Variants in COL6A2 observed in about 807,000 individuals in gnomAD.
The protein encoded by COL6A2 is collagen type VI alpha 2 chain.
Under a neutral mutation model 124.9 loss-of-function variants are expected in COL6A2, and 90 were observed. The observed-to-expected ratio is 0.72, with a 90% CI of 0.61 to 0.86. The LOEUF (loss-of-function observed/expected upper bound fraction) is 0.86. Among genes scored for constraint, COL6A2 ranks in the 40% least tolerant of loss-of-function variants. The probability of loss-of-function intolerance (pLI) is 0.00; values close to 1 mark genes in which losing one functional copy is unlikely to be tolerated. For missense variants in COL6A2, 1,607 were observed against 1,502.5 expected, an observed-to-expected ratio of 1.07 and a Z score of -1.15; for synonymous variants, 793 against 618.2, an observed-to-expected ratio of 1.28 and a Z score of -4.19.
At position 46,116,926 on chromosome 21, in the gene COL6A2, T is replaced by TACACACACACACACACAC. The variant is rs59060956; in HGVS notation, c.999+125_999+142dup. On this transcript the variant is annotated intron_variant, in intron 10 of 27. Transcript: ENST00000300527. The surrounding 1 kb of genome is among the most constrained non-coding windows in gnomAD (Gnocchi z 4.6). ...CAGCTTACACATGTGTACACACGCA[T>TACACACACACACACACAC]ACACACACACACACACACACACACA... 3.6e-5 allele frequency: 23 copies of TACACACACACACACACAC among 639,334 alleles called. No homozygotes were observed. Among genetic ancestry groups the TACACACACACACACACAC allele is most frequent in the Middle Eastern group, 4.2e-4 (1 of 2,408 alleles). The allele number at this position is 639,334 out of a possible 1,614,324, so 39.6% of individuals were successfully genotyped here.
chr21:46,116,744 G>A lies in COL6A2; in HGVS notation c.955-26G>A. 6.2e-7 allele frequency: 1 copy of A among 1,613,122 alleles called. No individual in the cohort carries two copies. The highest frequency in any genetic ancestry group is 8.5e-7 in the Non-Finnish European group (1 of 1,180,018). ...CAGGGCAGAAGGACCGGGGCTAATGGAGTTCCCTCTTCCTTCTCTCTTCAG... is the reference window on the plus strand; with the variant it reads ...CAGGGCAGAAGGACCGGGGCTAATGAAGTTCCCTCTTCCTTCTCTCTTCAG... On this transcript the variant is annotated intron_variant, in intron 9 of 27. Transcript: ENST00000300527. This position sits in a 1 kb window ranked among gnomAD's most constrained non-coding sequence, Gnocchi z 4.6.
chr21:46,123,084 G>A (rs904863446), intron 21 of COL6A2, 147 bp downstream of exon 21: 130 of 804,648 alleles, frequency 1.6e-4, no homozygotes, highest in Middle Eastern at 3.4e-4. Context: ...TAAAGGGAAC[G>A]GCTGGCTCAG....
chr21:46,121,526 C>G (rs760055260), intron 17 of COL6A2, 30 bp from the exon 18 acceptor site: 55 of 1,610,178 alleles, frequency 3.4e-5, no homozygotes, highest in Non-Finnish European at 4.3e-5. Context: ...CCTGCCTGTG[C>G]TGACTTCTGA....
chr21:46,132,705 C>T lies in COL6A2; in HGVS notation c.*153C>T. The T allele has an allele frequency of 1.3e-6, 1 of 775,196 alleles. No homozygotes were observed. The highest frequency in any genetic ancestry group is 1.7e-5 in the South Asian group (1 of 59,412). The allele number at this position is 775,196 out of a possible 1,614,324, so 48.0% of individuals were successfully genotyped here. A position where few individuals can be genotyped will look rare whatever the true frequency, so the allele number is the denominator to read the frequency against. On this transcript the variant is annotated 3_prime_UTR_variant, in exon 28 of 28. Transcript: ENST00000300527. ...GCTCCTCCCACGGGGTCCCCGTAGCCCCGGCCCCCGCCCAGCCCCAGGTCT... is the reference window on the plus strand; with the variant it reads ...GCTCCTCCCACGGGGTCCCCGTAGCTCCGGCCCCCGCCCAGCCCCAGGTCT...
At chr21:46,121,707 TG>T in intron 18 of COL6A2, 89 bp downstream of exon 18, 1 of 1,341,154 alleles carries the variant, frequency 7.5e-7, no homozygotes, top group Middle Eastern at 2.0e-4. Context: ...GGGACCCTGT[TG>T]CCGGCAGACG....
In COL6A2 at chr21:46,112,213, CCTT is replaced by C; in HGVS notation, c.352_354del (p.Phe118del). 6.2e-7 allele frequency: 1 copy of C among 1,612,938 alleles called. No homozygotes were observed. Among genetic ancestry groups the C allele is most frequent in the Admixed American group, 1.7e-5 (1 of 60,034 alleles). On this transcript the variant is annotated inframe_deletion, in exon 3 of 28. Coordinates refer to ENST00000300527, the MANE Select transcript of COL6A2 (RefSeq NM_001849.4). ...AGCCCACCGGGCAGCGACCGGGCCT[CCTT>C]CATCAAGAACCTGCAGGGCATCAGC...
intron 20 of COL6A2, 126 bp downstream of exon 20, chr21:46,122,657 A>G: frequency 8.7e-7 from 1 of 1,147,934 alleles, no homozygotes; most frequent in South Asian, 1.3e-5. Context: ...TGGCTCCCCA[A>G]GGCCCAGCCA....
At chr21:46,123,701 G>A (rs980905390) in intron 21 of COL6A2, among the ~76,000 whole-genome samples, 93 of 7,184 alleles carry the variant, frequency 0.013, no homozygotes, top group African/African-American at 0.032. Context: ...GGGTAGGTGG[G>A]TAGATGGATG....
At chr21:46,124,439 G>A (rs2078627335) in intron 21 of COL6A2, among the ~76,000 whole-genome samples, 1 of 152,040 alleles carries the variant, frequency 6.6e-6, no homozygotes, top group South Asian at 2.1e-4. Context: ...CCCTCTGGTG[G>A]GCCAGGCTCT....
chr21:46,126,224 C>T lies in COL6A2; in HGVS notation c.2409C>T (p.Asp803=), dbSNP rs745800327. ...VAEKFIDDME[D]VLCPDPQIVC... is the part of the protein sequence containing the mutation. ...AGAAGTTCATCGATGACATGGAGGACGTCCTCTGCCCGGGTGAGCGTGTGG... is the reference window on the plus strand; with the variant it reads ...AGAAGTTCATCGATGACATGGAGGATGTCCTCTGCCCGGGTGAGCGTGTGG... The change falls in exon 26 of 28, where the codon GAC becomes GAT. Residue 803 remains aspartate, a synonymous_variant. Transcript: ENST00000300527. 29 of 1,599,760 alleles carry T rather than the reference C, an allele frequency of 1.8e-5. No homozygotes were observed. The highest frequency in any genetic ancestry group is 1.3e-4 in the South Asian group (12 of 91,074).
chr21:46,103,112 A>C (rs2078304460), intron 1 of COL6A2, among the ~76,000 whole-genome samples: 1 of 152,120 alleles, frequency 6.6e-6, no homozygotes, highest in East Asian at 1.9e-4. Flanking sequence ...ATGTCTATTC[A>C]GATTTTCTAT....
At chr21:46,104,459 G>A (rs1056680901) in intron 1 of COL6A2, among the ~76,000 whole-genome samples, 2 of 152,142 alleles carry the variant, frequency 1.3e-5, no homozygotes, top group Admixed American at 6.5e-5. Context: ...GGAACTTGAA[G>A]ATACAAAAAT....
rs771772739 is a variant in COL6A2 at position 46,131,985 on chromosome 21, C to T, written c.2493C>T (p.Pro831=). The T allele has an allele frequency of 4.2e-5, 68 of 1,609,396 alleles. No individual in the cohort carries two copies. Among genetic ancestry groups the T allele is most frequent in the Middle Eastern group, 1.6e-4 (1 of 6,070 alleles). Residue 831 remains proline (P), a synonymous_variant, in exon 28 of 28, where the codon CCC becomes CCT. Transcript: ENST00000300527. ...ELSVAQCTQR[P]VDIVFLLDGS... ...CCGTGGCACAGTGCACGCAGCGGCCCGTGGACATCGTCTTCCTGCTGGACG... is the reference window on the plus strand; with the variant it reads ...CCGTGGCACAGTGCACGCAGCGGCCTGTGGACATCGTCTTCCTGCTGGACG...
intron 21 of COL6A2, 146 bp downstream of exon 21, chr21:46,123,083 C>G (rs1023273415): frequency 4.9e-6 from 4 of 823,090 alleles, no homozygotes; most frequent in Admixed American, 4.1e-5. Context: ...CTAAAGGGAA[C>G]GGCTGGCTCA....
At chr21:46,102,850 A>G (rs1289754153) in intron 1 of COL6A2, among the ~76,000 whole-genome samples, 1 of 152,166 alleles carries the variant, frequency 6.6e-6, no homozygotes, top group Admixed American at 6.5e-5. Flanking sequence ...TTTTTGCATC[A>G]ATGTTCATAA....
At position 46,125,852 on chromosome 21, in the gene COL6A2, A is replaced by G. The variant is rs1601249990; in HGVS notation, c.2037A>G (p.Glu679=). The change falls in exon 26 of 28, where the codon GAA becomes GAG. Residue 679 remains glutamate, a synonymous_variant. Transcript: ENST00000300527. The part of the protein sequence containing the change: ...GTFEAIQLDD[E]RIDSLSSFKE... The stretch of plus-strand genomic sequence containing the variant: ...TTGAGGCCATCCAGCTGGACGACGA[A>G]CGTATCGACTCCCTGTCGAGCTTCA... 1 of 1,612,902 alleles carries G rather than the reference A, an allele frequency of 6.2e-7. No homozygotes were observed.
intron 27 of COL6A2, chr21:46,128,789 G>C (rs2078714316): frequency 1.1e-6 from 1 of 878,310 alleles, no homozygotes; most frequent in Non-Finnish European, 1.9e-6. Flanking sequence ...GCTGAGGAAG[G>C]GTTTACCACC....
At chr21:46,119,955 G>T (rs1171846490) in intron 15 of COL6A2, 105 bp downstream of exon 15, 1 of 999,538 alleles carries the variant, frequency 1.0e-6, no homozygotes, top group Non-Finnish European at 1.6e-6. Flanking sequence ...AGAACCCCAG[G>T]GCCTCACTCT....
chr21:46,121,981 C>A, intron 18 of COL6A2, 127 bp from the exon 19 acceptor site: 1 of 994,706 alleles, frequency 1.0e-6, no homozygotes, highest in Non-Finnish European at 1.6e-6. Context: ...CCTCTGCTCA[C>A]AGCCAGAACT....
Sources: gnomAD v4.1 joint callset for allele counts (sites outside exome capture counted in the v4.1 genomes callset) on GRCh38, gnomAD v4.1.1 for gene constraint, Gnocchi (gnomAD v3.1) non-coding constraint, MANE v1.5 for transcripts, NCBI Gene and HGNC (gene_info 2026-07-23, HGNC 2026-07-21) for gene names.